Variants in UGT2A2 observed in about 807,000 individuals in gnomAD.
UGT2A2 encodes the protein UDP glucuronosyltransferase family 2 member A2, also known as UDP-glucuronosyltransferase 2A2.
Under a neutral mutation model 50.7 loss-of-function variants are expected in UGT2A2, and 60 were observed. That is an observed-to-expected ratio of 1.18 (90% CI 0.96 to 1.47). The LOEUF is 1.47. Ranked by LOEUF, UGT2A2 falls within the 40% of genes most tolerant of loss-of-function variation. The pLI is 0.00. For synonymous variants in UGT2A2, 242 were observed against 214.6 expected, an observed-to-expected ratio of 1.13 and a Z score of -1.11; for missense variants, 762 against 634.0, an observed-to-expected ratio of 1.20 and a Z score of -2.17.
At chr4:69,618,939 C>A (rs905034108) in intron 1 of UGT2A2, among the ~76,000 whole-genome samples, 3 of 151,568 alleles carry the variant, frequency 2.0e-5, no homozygotes, top group Admixed American at 2.0e-4. Context: ...AGGATCAAGA[C>A]AAAGATGTTG....
In UGT2A2 at chr4:69,605,004, C is replaced by A. The variant is rs866891837; in HGVS notation, c.743-5610G>T. Among the ~76,000 whole-genome samples, 2 of 136,234 alleles carry A rather than the reference C, an allele frequency of 1.5e-5. 1 individual carries two copies. The highest frequency in any genetic ancestry group is 6.0e-5 in the African/African-American group (2 of 33,534). The allele number at this position is 136,234 out of a possible 152,430, so 89.4% of individuals were successfully genotyped here. A position where few individuals can be genotyped will look rare whatever the true frequency, so the allele number is the denominator to read the frequency against. ...TTGACACCCCACTGTCAACGTTAGA[C>A]AGATCAATGAGACAGAAAGATAACA... On this transcript the variant is annotated intron_variant, in intron 1 of 5. Transcript: ENST00000604629.
rs1370276605 is a variant in UGT2A2 at position 69,594,521 on chromosome 4, A to C, written c.1287T>G (p.Ser429Arg). 3.1e-6 allele frequency: 5 copies of C among 1,614,002 alleles called. No homozygotes were observed. In the Admixed American group the frequency reaches 8.3e-5, roughly 27 times the overall value. ...TTCTCAAAGCGCTAAGCAAATCCACACTTGTCATTGTGTTTAGGTTCACTT... is the reference window on the plus strand; with the variant it reads ...TTCTCAAAGCGCTAAGCAAATCCACCCTTGTCATTGTGTTTAGGTTCACTT... ...AVEVNLNTMT[S>R]VDLLSALRTV... is the part of the protein sequence containing the mutation. The change falls in exon 5 of 6, where the codon AGT becomes AGG. Residue 429 changes from serine to arginine, a missense_variant. Coordinates refer to ENST00000604629, the MANE Select transcript of UGT2A2 (RefSeq NM_001105677.2).
intron 1 of UGT2A2, among the ~76,000 whole-genome samples, chr4:69,615,840 A>G: frequency 6.6e-6 from 1 of 151,096 alleles, no homozygotes; most frequent in Non-Finnish European, 1.5e-5. Context: ...CACTATGGAG[A>G]AGAGTGTGGA....
chr4:69,616,949 G>C (rs1238191387), intron 1 of UGT2A2, among the ~76,000 whole-genome samples: 2 of 149,216 alleles, frequency 1.3e-5, no homozygotes. Context: ...ATCTGCATAA[G>C]TTTCTGCCCA....
Position 69,596,397 on chromosome 4 carries a change from A to G in UGT2A2, c.892-16T>C. On this transcript the variant is annotated splice_polypyrimidine_tract_variant and intron_variant, in intron 2 of 5. Coordinates refer to ENST00000604629, the MANE Select transcript of UGT2A2 (RefSeq NM_001105677.2). ...CTTCCATTTCCTGCATACATAATAT[A>G]TTTTCTATTACAAAGGTGTAGCATC... 6.5e-7 allele frequency: 1 copy of G among 1,549,130 alleles called. No individual in the cohort carries two copies. Among genetic ancestry groups the G allele is most frequent in the Non-Finnish European group, 8.7e-7 (1 of 1,146,166 alleles).
At chr4:69,630,119 A>G (rs1200065230) in intron 1 of UGT2A2, among the ~76,000 whole-genome samples, 1 of 152,106 alleles carries the variant, frequency 6.6e-6, no homozygotes, top group Non-Finnish European at 1.5e-5. Flanking sequence ...ATTAAAATAT[A>G]TAACTAAAAT....
intron 1 of UGT2A2, among the ~76,000 whole-genome samples, chr4:69,607,761 A>T (rs1339917563): frequency 6.6e-6 from 1 of 152,252 alleles, no homozygotes; most frequent in Non-Finnish European, 1.5e-5. Context: ...TGGGTGAAGG[A>T]TATGAACAGA....
At chr4:69,628,829 C>T (rs1465446531) in intron 1 of UGT2A2, among the ~76,000 whole-genome samples, 1 of 150,840 alleles carries the variant, frequency 6.6e-6, no homozygotes, top group Non-Finnish European at 1.5e-5. Flanking sequence ...AAGACCGCCA[C>T]AACTTTTACA....
chr4:69,597,019 T>A (rs1296588878), intron 2 of UGT2A2, among the ~76,000 whole-genome samples: 1 of 152,162 alleles, frequency 6.6e-6, no homozygotes, highest in Non-Finnish European at 1.5e-5. Context: ...TGCAAACTCA[T>A]AAAAACAGTT....
In UGT2A2 at chr4:69,596,381, C is replaced by A; in HGVS notation, c.892G>T (p.Glu298Ter). Residue 298 changes from glutamate to a stop codon, truncating the protein, a stop_gained and splice_region_variant, in exon 3 of 6, where the codon GAA becomes TAA. Coordinates refer to ENST00000604629, the MANE Select transcript of UGT2A2 (RefSeq NM_001105677.2). LOFTEE classifies it high-confidence loss of function. ...HCKPAKPLPKEMEEFIQSSGK... is the reference protein window; with the variant it reads ...HCKPAKPLPK ...GAGCTCTGGATAAATTCTTCCATTT[C>A]CTGCATACATAATATATTTTCTATT... is the stretch of plus-strand genomic sequence containing the variant. 1 of 1,586,512 alleles carries A rather than the reference C, an allele frequency of 6.3e-7. No individual in the cohort carries two copies. Among genetic ancestry groups the A allele is most frequent in the South Asian group, 1.2e-5 (1 of 86,664 alleles).
At chr4:69,598,954 G>A (rs1014896083) in intron 2 of UGT2A2, among the ~76,000 whole-genome samples, 3 of 152,040 alleles carry the variant, frequency 2.0e-5, no homozygotes, top group South Asian at 2.1e-4. Flanking sequence ...AGTATCCTTC[G>A]TAATTTCTAT....
chr4:69,626,867 T>A (rs1721089749), intron 1 of UGT2A2, among the ~76,000 whole-genome samples: 1 of 151,836 alleles, frequency 6.6e-6, no homozygotes, highest in Non-Finnish European at 1.5e-5. Flanking sequence ...GGAACCTTCT[T>A]CACAGTAGTT....
At chr4:69,618,215 GTA>G (rs1720527458) in intron 1 of UGT2A2, among the ~76,000 whole-genome samples, 10 of 104,842 alleles carry the variant, frequency 9.5e-5, no homozygotes, top group South Asian at 3.1e-4. Flanking sequence ...GTGTGTGTGT[GTA>G]TGTTTGTGTG....
intron 1 of UGT2A2, among the ~76,000 whole-genome samples, chr4:69,612,398 A>G (rs1720117035): frequency 6.6e-6 from 1 of 152,058 alleles, no homozygotes; most frequent in African/African-American, 2.4e-5. Flanking sequence ...GATAAAAACT[A>G]TTCTAAAATT....
chr4:69,606,741 A>T (rs1262532759), intron 1 of UGT2A2, among the ~76,000 whole-genome samples: 2 of 137,008 alleles, frequency 1.5e-5, no homozygotes, highest in African/African-American at 5.9e-5. Flanking sequence ...ATACAAAATC[A>T]ATGTGCAAAA....
chr4:69,615,230 C>A (rs972084216), intron 1 of UGT2A2, among the ~76,000 whole-genome samples: 3 of 151,992 alleles, frequency 2.0e-5, no homozygotes, highest in African/African-American at 4.8e-5. Context: ...TAATTTAAAT[C>A]TAATCTTTCT....
intron 5 of UGT2A2, among the ~76,000 whole-genome samples, chr4:69,592,559 A>G (rs1446950760): frequency 2.0e-5 from 3 of 152,186 alleles, no homozygotes; most frequent in Non-Finnish European, 4.4e-5. Flanking sequence ...GTTAAAAATG[A>G]CAGTTGAAAG....
chr4:69,600,341 T>C (rs1719203849), intron 1 of UGT2A2, among the ~76,000 whole-genome samples: 1 of 152,178 alleles, frequency 6.6e-6, no homozygotes, highest in Non-Finnish European at 1.5e-5. Flanking sequence ...TCACTCCTAA[T>C]CCTATATCAC....
At chr4:69,638,812 T>C (rs1014635991) in intron 1 of UGT2A2, 87 bp downstream of exon 1, 52 of 1,422,106 alleles carry the variant, frequency 3.7e-5, no homozygotes, top group Non-Finnish European at 1.2e-5. Context: ...GCTCAGCATA[T>C]GCAGTGGAAT....
Sources: allele counts gnomAD v4.1 joint callset (sites outside exome capture counted in the v4.1 genomes callset), GRCh38; gene constraint gnomAD v4.1.1; transcripts MANE v1.5; gene names NCBI Gene and HGNC (gene_info 2026-07-23, HGNC 2026-07-21).